The following FGD4 variants were observed in gnomAD, a reference collection of about 807,000 sequenced individuals.
FGD4 encodes FYVE, RhoGEF and PH domain containing 4.
Under a neutral mutation model 102.0 loss-of-function variants are expected in FGD4, and 42 were observed. The observed-to-expected ratio is 0.41, with a 90% CI of 0.32 to 0.53. The LOEUF (loss-of-function observed/expected upper bound fraction) is 0.53, where lower values mean the gene tolerates loss of function less well. Among genes scored for constraint, FGD4 ranks in the 20% least tolerant of loss-of-function variants. FGD4 has a pLI of 0.21. For missense variants in FGD4, 902 were observed against 1,078.2 expected, an observed-to-expected ratio of 0.84 and a Z score of 2.29; for synonymous variants, 380 against 375.7, an observed-to-expected ratio of 1.01 and a Z score of -0.13.
chr12:32,506,444 G>A lies in FGD4; in HGVS notation c.167-57693G>A, dbSNP rs998406461. Among the ~76,000 whole-genome samples, 5 of 152,152 alleles carry A rather than the reference G, an allele frequency of 3.3e-5. No individual in the cohort carries two copies. The highest frequency in any genetic ancestry group is 7.2e-5 in the African/African-American group (3 of 41,436). On this transcript the variant is annotated intron_variant, in intron 1 of 16. Transcript: ENST00000534526. The surrounding 1 kb of genome is among the most constrained non-coding windows in gnomAD (Gnocchi z 4.5). The stretch of plus-strand genomic sequence containing the variant: ...CTAGTCACTGTGGATCCCAAAGCAG[G>A]TGGGGGAGGGAGGAGCCTGAGGAAC...
chr12:32,633,745 T>G (rs1950630006), intron 15 of FGD4, 56 bp downstream of exon 15: 2 of 1,481,350 alleles, frequency 1.4e-6, no homozygotes, highest in Non-Finnish European at 1.8e-6. Flanking sequence ...CAACGGACTC[T>G]CGCTCTGTCA....
chr12:32,524,592 AG>A, intron 1 of FGD4, among the ~76,000 whole-genome samples: 1 of 152,070 alleles, frequency 6.6e-6, no homozygotes. Context: ...TGGGGGGCCA[AG>A]ATGGGAGGAC....
At position 32,624,482 on chromosome 12, in the gene FGD4, C is replaced by CTT. The variant is rs10700807; in HGVS notation, c.1953+40_1953+41dup. ...GCCTCATTTCTGTTTCCTTTTCTTT[C>CTT]TTTTTTTTTTTGAGGCAGAGTCTCA... On this transcript the variant is annotated intron_variant, in intron 12 of 16. Transcript: ENST00000534526. 0.028 allele frequency: 36,906 copies of CTT among 1,328,458 alleles called. 102 individuals carry two copies. The highest frequency in any genetic ancestry group is 0.03 in the Non-Finnish European group (29,246 of 973,284). The allele number at this position is 1,328,458 out of a possible 1,614,324, so 82.3% of individuals were successfully genotyped here. A position where few individuals can be genotyped will look rare whatever the true frequency, so the allele number is the denominator to read the frequency against.
At chr12:32,433,646 A>AT (rs1942127973) in intron 1 of FGD4, among the ~76,000 whole-genome samples, 8 of 152,080 alleles carry the variant, frequency 5.3e-5, no homozygotes, top group Middle Eastern at 3.4e-3. Context: ...CTAAAAGTGC[A>AT]TTTTTTTAAT....
At chr12:32,579,103 A>G (rs1946388329) in intron 3 of FGD4, among the ~76,000 whole-genome samples, 1 of 133,048 alleles carries the variant, frequency 7.5e-6, no homozygotes, top group East Asian at 2.3e-4. Flanking sequence ...CTGGAGGGCA[A>G]TGGCACGATC....
chr12:32,598,474 G>A, intron 4 of FGD4, 23 bp from the exon 5 acceptor site: 1 of 1,519,464 alleles, frequency 6.6e-7, no homozygotes, highest in Non-Finnish European at 9.1e-7. Context: ...TTCCTAATGT[G>A]TGAATATCTT....
intron 10 of FGD4, among the ~76,000 whole-genome samples, chr12:32,617,978 G>C (rs1046241000): frequency 6.6e-6 from 1 of 152,180 alleles, no homozygotes; most frequent in Non-Finnish European, 1.5e-5. Context: ...TGACAGTTTA[G>C]AATGTGAAGT....
intron 5 of FGD4, chr12:32,600,584 CTTTCTTTCT>C (rs1442492908): frequency 1.6e-4 from 42 of 269,712 alleles, no homozygotes; most frequent in East Asian, 8.9e-4. Context: ...TTCTTTCTTT[CTTTCTTTCT>C]TTTTTTTTTT....
chr12:32,498,368 G>A (rs1416253659), intron 1 of FGD4, among the ~76,000 whole-genome samples: 1 of 152,140 alleles, frequency 6.6e-6, no homozygotes, highest in Admixed American at 6.6e-5. Context: ...CGAGGGTTTG[G>A]TGGGTACTGT....
intron 1 of FGD4, among the ~76,000 whole-genome samples, chr12:32,450,299 C>T (rs575330591): frequency 2.0e-5 from 3 of 152,202 alleles, no homozygotes; most frequent in South Asian, 2.1e-4. Flanking sequence ...CTTGAACTCT[C>T]GGATTTAGGA....
chr12:32,588,227 G>A (rs1947203231), intron 4 of FGD4, among the ~76,000 whole-genome samples: 1 of 152,176 alleles, frequency 6.6e-6, no homozygotes, highest in African/African-American at 2.4e-5. Flanking sequence ...CTGTATACTA[G>A]TATATAACTT....
At chr12:32,524,823 CA>C (rs58484492) in intron 1 of FGD4, among the ~76,000 whole-genome samples, 530 of 126,318 alleles carry the variant, frequency 4.2e-3, no homozygotes, top group African/African-American at 9.0e-3. Flanking sequence ...GACACTGTTT[CA>C]AAAAAAAAAA....
At chr12:32,490,333 T>C (rs1944044255) in intron 1 of FGD4, among the ~76,000 whole-genome samples, 1 of 152,096 alleles carries the variant, frequency 6.6e-6, no homozygotes, top group Non-Finnish European at 1.5e-5. Flanking sequence ...TTTTCTATTT[T>C]ATCTCAGCTA....
At chr12:32,491,132 T>TAAAAAA (rs72008264) in intron 1 of FGD4, among the ~76,000 whole-genome samples, 7 of 106,564 alleles carry the variant, frequency 6.6e-5, no homozygotes, top group Non-Finnish European at 7.3e-5. Context: ...TTCTGCCAGT[T>TAAAAAA]AAAAAAAAAA....
At position 32,625,729 on chromosome 12, in the gene FGD4, C is replaced by G. The variant is rs144693221; in HGVS notation, c.2122C>G (p.Pro708Ala). 6.8e-5 allele frequency: 110 copies of G among 1,613,720 alleles called. 1 individual carries two copies. Among genetic ancestry groups the G allele is most frequent in the African/African-American group, 4.5e-4 (34 of 74,888 alleles). Residue 708 changes from proline to alanine, a missense_variant, in exon 14 of 17, where the codon CCT becomes GCT. By Grantham distance (27) the Pro-to-Ala change is conservative. Coordinates refer to ENST00000534526, the MANE Select transcript of FGD4 (RefSeq NM_001370298.3). ...GACAATGTGTATGAAATGTAAAGAA[C>G]CTTTCAATGCACTGACACGAAGGAG... The part of the protein sequence containing the change: ...EVTMCMKCKE[P>A]FNALTRRRHH...
intron 1 of FGD4, among the ~76,000 whole-genome samples, chr12:32,437,099 A>AT (rs1942254491): frequency 7.4e-6 from 1 of 134,758 alleles, no homozygotes; most frequent in South Asian, 2.5e-4. Flanking sequence ...ACAGAGTGGG[A>AT]CTCCATGTCA....
intron 4 of FGD4, chr12:32,582,780 T>C: frequency 5.5e-6 from 2 of 364,488 alleles, no homozygotes; most frequent in Non-Finnish European, 5.1e-6. Context: ...CTTGTTGCTC[T>C]AGATGTTGGT....
chr12:32,478,780 G>A (rs1943648509), intron 1 of FGD4, among the ~76,000 whole-genome samples: 1 of 151,966 alleles, frequency 6.6e-6, no homozygotes, highest in Admixed American at 6.6e-5. Context: ...ACCAAGTCTG[G>A]TTGAGTAACA....
At chr12:32,574,256 A>G (rs905958638) in intron 2 of FGD4, among the ~76,000 whole-genome samples, 74 of 152,238 alleles carry the variant, frequency 4.9e-4, no homozygotes, top group African/African-American at 1.6e-3. Context: ...TTTCATAACA[A>G]TTTTAGCACA....
Sources: allele counts gnomAD v4.1 joint callset (sites outside exome capture counted in the v4.1 genomes callset), GRCh38; gene constraint gnomAD v4.1.1; non-coding constraint Gnocchi (gnomAD v3.1); transcripts MANE v1.5; gene names NCBI Gene and HGNC (gene_info 2026-07-23, HGNC 2026-07-21).